Variants in SLC9C2 observed in about 807,000 individuals in gnomAD.
SLC9C2 encodes solute carrier family 9 member C2 (putative).
SLC9C2 carries 75 observed loss-of-function variants against 140.2 expected under a neutral mutation model. The ratio of observed to expected loss-of-function variants is 0.53; its 90% CI spans 0.44 to 0.65. SLC9C2 has a LOEUF of 0.65. SLC9C2 is among the 30% of genes least tolerant of loss of function. SLC9C2 has a pLI of 0.00. For missense variants in SLC9C2, 1,074 were observed against 1,331.8 expected (o/e 0.81, Z 3.01); for synonymous variants, 375 against 420.9 (o/e 0.89, Z 1.34).
chr1:173,529,353 G>A (rs1661410070), intron 18 of SLC9C2, among the ~76,000 whole-genome samples: 3 of 152,048 alleles, frequency 2.0e-5, no homozygotes, highest in South Asian at 2.1e-4. Context: ...AGACTGGTGC[G>A]AGGGAGCCTG....
intron 7 of SLC9C2, among the ~76,000 whole-genome samples, chr1:173,579,018 G>C (rs1382599306): frequency 1.3e-5 from 2 of 152,200 alleles, no homozygotes; most frequent in Admixed American, 1.3e-4. Context: ...GCACAGCGCT[G>C]CCTTGAAGCT....
At chr1:173,551,843 T>C (rs1401123287) in intron 11 of SLC9C2, among the ~76,000 whole-genome samples, 1 of 152,028 alleles carries the variant, frequency 6.6e-6, no homozygotes, top group Non-Finnish European at 1.5e-5. Flanking sequence ...AAAGTAAGAG[T>C]CATACATCTC....
intron 27 of SLC9C2, among the ~76,000 whole-genome samples, chr1:173,502,857 C>A (rs1202917175): frequency 6.6e-6 from 1 of 152,158 alleles, no homozygotes; most frequent in Non-Finnish European, 1.5e-5. Context: ...TAGGAAGATG[C>A]GTGTGATCAG....
intron 7 of SLC9C2, among the ~76,000 whole-genome samples, chr1:173,579,105 G>C (rs1429345315): frequency 6.6e-6 from 1 of 152,180 alleles, no homozygotes; most frequent in Non-Finnish European, 1.5e-5. Context: ...AGCCTGAGGG[G>C]TTAATGCTAA....
chr1:173,564,901 T>C (rs1262678416), intron 9 of SLC9C2, among the ~76,000 whole-genome samples: 2 of 151,518 alleles, frequency 1.3e-5, no homozygotes, highest in African/African-American at 2.4e-5. Context: ...CCTCCCAAAG[T>C]GCTGGGATTA....
chr1:173,523,882 G>T, intron 21 of SLC9C2, 87 bp downstream of exon 21: 1 of 1,514,208 alleles, frequency 6.6e-7, no homozygotes, highest in African/African-American at 1.4e-5. Context: ...TATGTGATAT[G>T]CTTTTCTGTT....
chr1:173,601,244 C>G (rs1287352657), intron 2 of SLC9C2, among the ~76,000 whole-genome samples: 1 of 152,090 alleles, frequency 6.6e-6, no homozygotes, highest in African/African-American at 2.4e-5. Context: ...GCATTGTCCT[C>G]CCCTCATCTC....
chr1:173,503,217 C>A, intron 27 of SLC9C2, 49 bp downstream of exon 27: 1 of 1,516,292 alleles, frequency 6.6e-7, no homozygotes, highest in South Asian at 1.2e-5. Flanking sequence ...CTGTATAGTT[C>A]AATATTTGCA....
rs749628917 is a variant in SLC9C2, at chr1:173,576,684, C to T, written c.879G>A (p.Pro293=). 2.3e-5 allele frequency: 37 copies of T among 1,610,906 alleles called. No individual in the cohort carries two copies. Among genetic ancestry groups the T allele is most frequent in the Non-Finnish European group, 2.9e-5 (34 of 1,179,058 alleles). The change falls in exon 8 of 28, where the codon CCG becomes CCA. Residue 293 remains proline (P), a synonymous_variant. Transcript: ENST00000367714. ...ACTTAGTAATTACAAGTTCGATCTTCGGTTTAAAAGTTAAAGAATCTAAAT... is the reference window on the plus strand; with the variant it reads ...ACTTAGTAATTACAAGTTCGATCTTTGGTTTAAAAGTTAAAGAATCTAAAT... ...GLNLDSLTFK[P]KIELVITKFL... is the part of the protein sequence containing the mutation.
At chr1:173,527,080 G>A (rs150205248) in intron 18 of SLC9C2, among the ~76,000 whole-genome samples, 52 of 152,180 alleles carry the variant, frequency 3.4e-4, no homozygotes, top group African/African-American at 1.2e-3. Context: ...CCTGACCTCA[G>A]GTGATCTACT....
At position 173,600,257 on chromosome 1, in the gene SLC9C2, G is replaced by A. The variant is rs780451809; in HGVS notation, c.128-40C>T. 4.9e-6 allele frequency: 7 copies of A among 1,436,638 alleles called. No individual in the cohort carries two copies. In the Admixed American group the frequency reaches 7.0e-5, roughly 14 times the overall value. 89.0% of individuals were successfully genotyped at this position (1,436,638 alleles called of 1,614,324 possible). A position where few individuals can be genotyped will look rare whatever the true frequency, so the allele number is the denominator to read the frequency against. On this transcript the variant is annotated intron_variant, in intron 2 of 27. Transcript: ENST00000367714. ...CAGAATAGTTGCATGAGTACTCGAA[G>A]TACAGTTTCTACCAAATGTGTATCA... is the stretch of plus-strand genomic sequence containing the variant.
rs1171573243 is a variant in SLC9C2 at position 173,550,926 on chromosome 1, A to AGGAGG, written c.1298-2379_1298-2375dup. ...AGAGAGAGAAGGAAGGGAAGGGAAG[A>AGGAGG]GGAGGGGAGGGGAGGGGAGGGGAGC... On this transcript the variant is annotated intron_variant, in intron 11 of 27. Coordinates refer to ENST00000367714, the MANE Select transcript of SLC9C2 (RefSeq NM_178527.4). Among the ~76,000 whole-genome samples, 40 of 82,578 alleles carry AGGAGG rather than the reference A, an allele frequency of 4.8e-4. 1 individual carries two copies. Among genetic ancestry groups the AGGAGG allele is most frequent in the African/African-American group, 1.9e-3 (32 of 17,184 alleles). The allele number at this position is 82,578 out of a possible 152,430, so 54.2% of individuals were successfully genotyped here.
At chr1:173,584,026 T>C (rs749147219) in intron 5 of SLC9C2, among the ~76,000 whole-genome samples, 1 of 152,218 alleles carries the variant, frequency 6.6e-6, no homozygotes, top group Non-Finnish European at 1.5e-5. Flanking sequence ...ATTGAAAATG[T>C]ATGTCCACAC....
chr1:173,537,089 T>A (rs780950237), intron 13 of SLC9C2, 50 bp from the exon 14 acceptor site: 10 of 1,438,032 alleles, frequency 7.0e-6, no homozygotes, highest in Non-Finnish European at 8.8e-6. Flanking sequence ...ATAAATGGAA[T>A]GTATTCTTCT....
At chr1:173,556,938 A>G (rs368211227) in intron 10 of SLC9C2, among the ~76,000 whole-genome samples, 11 of 151,530 alleles carry the variant, frequency 7.3e-5, no homozygotes, top group African/African-American at 1.2e-4. Flanking sequence ...AAAAAAAAAA[A>G]AAAAGAAAAA....
At chr1:173,581,460 C>A (rs1218318738) in intron 7 of SLC9C2, among the ~76,000 whole-genome samples, 1 of 152,126 alleles carries the variant, frequency 6.6e-6, no homozygotes, top group Non-Finnish European at 1.5e-5. Context: ...GAATTAAAGG[C>A]TGTTGATCTA....
At chr1:173,585,284 C>G (rs1364246950) in intron 5 of SLC9C2, among the ~76,000 whole-genome samples, 5 of 152,088 alleles carry the variant, frequency 3.3e-5, no homozygotes, top group Admixed American at 6.5e-5. Flanking sequence ...GTTTACAATG[C>G]AGATGGGCAC....
chr1:173,550,928 G>A (rs1279212595), intron 11 of SLC9C2, among the ~76,000 whole-genome samples: 2 of 145,324 alleles, frequency 1.4e-5, no homozygotes, highest in African/African-American at 5.1e-5. Flanking sequence ...AAGGGAAGAG[G>A]AGGGGAGGGG....
chr1:173,555,600 A>C (rs575487500), intron 10 of SLC9C2, among the ~76,000 whole-genome samples: 1 of 152,214 alleles, frequency 6.6e-6, no homozygotes, highest in Non-Finnish European at 1.5e-5. Flanking sequence ...GGTGCTAGTT[A>C]ACTTCTCATT....
Sources: gnomAD v4.1 joint callset for allele counts (sites outside exome capture counted in the v4.1 genomes callset) on GRCh38, gnomAD v4.1.1 for gene constraint, MANE v1.5 for transcripts, NCBI Gene and HGNC (gene_info 2026-07-23, HGNC 2026-07-21) for gene names.